ACACA: variants seen among roughly 807,000 people sequenced by gnomAD.
The protein encoded by ACACA is acetyl-CoA carboxylase 1.
Under a neutral mutation model 296.1 loss-of-function variants are expected in ACACA, and 103 were observed. That is an observed-to-expected ratio of 0.35 (90% CI 0.30 to 0.41). ACACA has a LOEUF of 0.41. ACACA is among the 10% of genes least tolerant of loss of function. The probability of loss-of-function intolerance (pLI) is 1.00; values close to 1 mark genes in which losing one functional copy is unlikely to be tolerated. For missense variants in ACACA, 1,554 were observed against 2,989.7 expected (o/e 0.52, Z 11.20); for synonymous variants, 953 against 1,038.6 (o/e 0.92, Z 1.58).
At chr17:37,105,912 T>A (rs1248209043) in intron 52 of ACACA, among the ~76,000 whole-genome samples, 3 of 151,062 alleles carry the variant, frequency 2.0e-5, no homozygotes, top group Admixed American at 2.0e-4. Context: ...TTGCTTTGAA[T>A]GGTTCAATAC....
At chr17:37,198,400 T>C (rs2078098685) in intron 35 of ACACA, among the ~76,000 whole-genome samples, 1 of 152,168 alleles carries the variant, frequency 6.6e-6, no homozygotes, top group South Asian at 2.1e-4. Context: ...AAAAGCACAG[T>C]AACATTTAAG....
intron 50 of ACACA, among the ~76,000 whole-genome samples, chr17:37,118,909 C>A (rs1208876068): frequency 1.3e-5 from 2 of 152,060 alleles, no homozygotes; most frequent in African/African-American, 4.8e-5. Flanking sequence ...TGGGCCTGAG[C>A]CAAAATATGT....
At chr17:37,119,800 T>C (rs928395865) in intron 50 of ACACA, among the ~76,000 whole-genome samples, 1 of 152,140 alleles carries the variant, frequency 6.6e-6, no homozygotes, top group Non-Finnish European at 1.5e-5. Context: ...AGGCTGGGGG[T>C]GCTTCTGCCC....
chr17:37,250,904 G>A (rs897375417), intron 16 of ACACA, among the ~76,000 whole-genome samples: 1 of 151,970 alleles, frequency 6.6e-6, no homozygotes, highest in African/African-American at 2.4e-5. Context: ...GCAGGTGCCT[G>A]TAGTCCCAGC....
chr17:37,163,912 T>G (rs554605694), intron 41 of ACACA, among the ~76,000 whole-genome samples: 1 of 152,218 alleles, frequency 6.6e-6, no homozygotes, highest in Non-Finnish European at 1.5e-5. Context: ...TGAGAACTAG[T>G]CAATCCTTCT....
chr17:37,166,601 A>C (rs2076677694), intron 41 of ACACA, among the ~76,000 whole-genome samples: 1 of 152,240 alleles, frequency 6.6e-6, no homozygotes, highest in East Asian at 1.9e-4. Flanking sequence ...TTGAACATTT[A>C]CTATCTGCTG....
rs531054182 is a variant in ACACA at position 37,181,495 on chromosome 17, C to T, written c.4777-139G>A. The T allele has an allele frequency of 8.3e-5, 71 of 852,084 alleles. No homozygotes were observed. The African/African-American group carries it at 1.1e-3, about 14-fold the overall frequency. The allele number at this position is 852,084 out of a possible 1,614,324, so 52.8% of individuals were successfully genotyped here. On this transcript the variant is annotated intron_variant, in intron 39 of 55. Transcript: ENST00000616317. ...TGAGTAGCTGAGATATGCCTCTTAA[C>T]ACTGGGTACTTGGTGCTCTCACCTC... is the stretch of plus-strand genomic sequence containing the variant.
In ACACA at chr17:37,156,008, G is replaced by T. The variant is rs926730253; in HGVS notation, c.5350-228C>A. 2.0e-4 allele frequency among the ~76,000 whole-genome samples: 30 copies of T among 148,446 alleles called. 1 individual carries two copies. Among genetic ancestry groups the T allele is most frequent in the Admixed American group, 2.0e-3 (30 of 14,958 alleles). ...CCTTGAAACAAGACACCTTATAGCT[G>T]CAATTCCAAGTATATTCCCTTCATT... On this transcript the variant is annotated intron_variant, in intron 42 of 55. Transcript: ENST00000616317.
Position 37,257,884 on chromosome 17 carries a change from A to G in ACACA, c.1663-18T>C. The G allele has an allele frequency of 1.2e-6, 2 of 1,613,212 alleles. No individual in the cohort carries two copies. The highest frequency in any genetic ancestry group is 1.7e-6 in the Non-Finnish European group (2 of 1,179,226). On this transcript the variant is annotated intron_variant, in intron 13 of 55. Transcript: ENST00000616317. ...TTAAAACCCTGTTAGAGAATAAAGA[A>G]TGAGAGACCATATTATGTTTCGAAG...
In ACACA at chr17:37,406,642, A is replaced by G; in HGVS notation, c.-343T>C. 1 of 496,594 alleles carries G rather than the reference A, an allele frequency of 2.0e-6. No individual in the cohort carries two copies. Among genetic ancestry groups the G allele is most frequent in the South Asian group, 2.1e-5 (1 of 46,924 alleles). 30.8% of individuals were successfully genotyped at this position (496,594 alleles called of 1,614,324 possible). On this transcript the variant is annotated 5_prime_UTR_variant, in exon 1 of 56. Coordinates refer to ENST00000616317, the MANE Select transcript of ACACA (RefSeq NM_198834.3). ...CCCACGCGCCAGGAAGCCTCAGGCA[A>G]CGGGCCACGCGCCACACGGGCAAAG...
At chr17:37,261,178 CG>C (rs1349204587) in intron 11 of ACACA, among the ~76,000 whole-genome samples, 7 of 151,966 alleles carry the variant, frequency 4.6e-5, no homozygotes, top group Non-Finnish European at 8.8e-5. Flanking sequence ...GTCAGAGTGT[CG>C]AAAAAGCCAA....
chr17:37,247,374 C>CTTTTTTTTTTTTT (rs59972801), intron 18 of ACACA, among the ~76,000 whole-genome samples: 9 of 145,672 alleles, frequency 6.2e-5, no homozygotes, highest in African/African-American at 7.8e-5. Context: ...TTGTGAATTT[C>CTTTTTTTTTTTTT]TTTTTTTTTT....
intron 3 of ACACA, among the ~76,000 whole-genome samples, chr17:37,311,373 A>G (rs938528350): frequency 5.9e-5 from 9 of 152,002 alleles, no homozygotes; most frequent in Admixed American, 5.9e-4. Flanking sequence ...ACTTCTCAGG[A>G]AAGAAGGAAA....
At chr17:37,088,462 T>A (rs1375279547) in intron 55 of ACACA, among the ~76,000 whole-genome samples, 1 of 152,156 alleles carries the variant, frequency 6.6e-6, no homozygotes, top group East Asian at 1.9e-4. Flanking sequence ...GTACTGTTTT[T>A]AATTTTATAA....
At chr17:37,265,146 T>C (rs1567907794) in intron 10 of ACACA, among the ~76,000 whole-genome samples, 1 of 152,152 alleles carries the variant, frequency 6.6e-6, no homozygotes, top group South Asian at 2.1e-4. Flanking sequence ...TATACATCAC[T>C]TTGGCCACAT....
chr17:37,245,701 T>C (rs1190015960), intron 19 of ACACA, among the ~76,000 whole-genome samples: 2 of 152,056 alleles, frequency 1.3e-5, no homozygotes, highest in Admixed American at 6.6e-5. Flanking sequence ...CCCAAAGTAC[T>C]TCAAAGACCC....
intron 41 of ACACA, among the ~76,000 whole-genome samples, chr17:37,177,036 G>A (rs2077141768): frequency 6.6e-6 from 1 of 152,028 alleles, no homozygotes; most frequent in South Asian, 2.1e-4. Context: ...GAAAACTGTA[G>A]AACAAGAAGA....
intron 7 of ACACA, among the ~76,000 whole-genome samples, chr17:37,276,498 T>G (rs1952559657): frequency 6.6e-6 from 1 of 152,234 alleles, no homozygotes; most frequent in South Asian, 2.1e-4. Flanking sequence ...AAACATAATC[T>G]TCATTGTTTA....
rs563474035 is a variant in ACACA, at chr17:37,260,996, T to C, written c.1330-1466A>G. On this transcript the variant is annotated intron_variant, in intron 11 of 55. Coordinates refer to ENST00000616317, the MANE Select transcript of ACACA (RefSeq NM_198834.3). ...GTTGCTGTTTAAAAATATTAAAATA[T>C]GAGATGCTAGCTTAGCAAAAGGGTA... is the stretch of plus-strand genomic sequence containing the variant. Among the ~76,000 whole-genome samples, 198 of 152,256 alleles carry C rather than the reference T, an allele frequency of 1.3e-3. 2 individuals are homozygous for C. Among genetic ancestry groups the C allele is most frequent in the African/African-American group, 4.6e-3 (192 of 41,538 alleles).
Sources: allele counts gnomAD v4.1 joint callset (sites outside exome capture counted in the v4.1 genomes callset), GRCh38; gene constraint gnomAD v4.1.1; transcripts MANE v1.5; gene names NCBI Gene and HGNC (gene_info 2026-07-23, HGNC 2026-07-21).